The following ZNF423 variants were observed in gnomAD, a reference collection of about 807,000 sequenced individuals.
The protein encoded by ZNF423 is Ebf-associated zinc finger protein.
Under a neutral mutation model 95.8 loss-of-function variants are expected in ZNF423, and 12 were observed. That is an observed-to-expected ratio of 0.13 (90% CI 0.08 to 0.20). The LOEUF (loss-of-function observed/expected upper bound fraction) is 0.20. Among genes scored for constraint, ZNF423 ranks in the 10% least tolerant of loss-of-function variants. ZNF423 has a pLI of 1.00. For synonymous variants in ZNF423, 749 were observed against 711.9 expected (o/e 1.05, Z -0.83); for missense variants, 1,316 against 1,737.1 (o/e 0.76, Z 4.31).
In ZNF423 at chr16:49,491,191, T is replaced by G. The variant is rs1407011931; in HGVS notation, c.*84A>C. 7 of 1,551,432 alleles carry G rather than the reference T, an allele frequency of 4.5e-6. No homozygotes were observed. In the South Asian group the frequency reaches 6.7e-5, roughly 15 times the overall value. Reference sequence around the variant, plus strand: ...TTACATCTGGGTTGCAAATGACACTTTGATTGGATGTAATGTTCAAATGGC... The same window carrying G: ...TTACATCTGGGTTGCAAATGACACTGTGATTGGATGTAATGTTCAAATGGC... On this transcript the variant is annotated 3_prime_UTR_variant, in exon 8 of 8. Transcript: ENST00000563137.
intron 1 of ZNF423, among the ~76,000 whole-genome samples, chr16:49,793,274 G>A (rs1193317207): frequency 6.6e-6 from 1 of 152,260 alleles, no homozygotes; most frequent in African/African-American, 2.4e-5. Flanking sequence ...CTGGGGACAG[G>A]TGGCCCCAAC....
chr16:49,740,832 G>A (rs964802881), intron 2 of ZNF423, among the ~76,000 whole-genome samples: 6 of 152,188 alleles, frequency 3.9e-5, no homozygotes, highest in Non-Finnish European at 8.8e-5. Flanking sequence ...TCCAGAGAAC[G>A]TATCTTCAGT....
chr16:49,647,464 G>C (rs539176510), intron 3 of ZNF423, among the ~76,000 whole-genome samples: 1 of 152,214 alleles, frequency 6.6e-6, no homozygotes, highest in East Asian at 1.9e-4. Context: ...AATTAAGGTT[G>C]ACAATTGGCT....
chr16:49,682,627 A>G (rs1165102130), intron 3 of ZNF423, among the ~76,000 whole-genome samples: 1 of 152,178 alleles, frequency 6.6e-6, no homozygotes, highest in South Asian at 2.1e-4. Flanking sequence ...AGATGGGAAG[A>G]GAGGAGAGGT....
chr16:49,651,790 C>A (rs1973417437), intron 3 of ZNF423, among the ~76,000 whole-genome samples: 1 of 152,120 alleles, frequency 6.6e-6, no homozygotes, highest in Non-Finnish European at 1.5e-5. Context: ...ATAAGGTGGT[C>A]ACAGGACAAG....
At chr16:49,727,865 T>C (rs1324456357) in intron 3 of ZNF423, among the ~76,000 whole-genome samples, 1 of 152,214 alleles carries the variant, frequency 6.6e-6, no homozygotes, top group East Asian at 1.9e-4. Context: ...TCTATTGGGC[T>C]TCTATCGAGT....
intron 3 of ZNF423, among the ~76,000 whole-genome samples, chr16:49,718,433 A>G (rs16947886): frequency 0.015 from 2,255 of 152,210 alleles, 56 homozygotes; most frequent in African/African-American, 0.05. Context: ...GAATGAACGC[A>G]CACGTGCCAG....
intron 3 of ZNF423, among the ~76,000 whole-genome samples, chr16:49,715,951 G>A (rs2032692824): frequency 6.6e-6 from 1 of 152,070 alleles, no homozygotes; most frequent in Admixed American, 6.6e-5. Context: ...GGGAGGCTGA[G>A]GTGGAAGGAT....
Position 49,645,795 on chromosome 16 carries a change from C to G in ZNF423, c.302-6921G>C, listed in dbSNP as rs777117689. 2.0e-5 allele frequency among the ~76,000 whole-genome samples: 3 copies of G among 152,140 alleles called. No individual in the cohort carries two copies. The South Asian group carries it at 6.2e-4, about 32-fold the overall frequency. On this transcript the variant is annotated intron_variant, in intron 3 of 7. Coordinates refer to ENST00000563137, the MANE Select transcript of ZNF423 (RefSeq NM_001379286.1). ...GGTGGTTTCCCCCATGCTATTCTAG[C>G]GATAGTGAGTAAGTTCTCATGAGAT...
intron 2 of ZNF423, among the ~76,000 whole-genome samples, chr16:49,773,681 A>T (rs1215450038): frequency 6.6e-6 from 1 of 152,230 alleles, no homozygotes; most frequent in African/African-American, 2.4e-5. Context: ...GGTGAGTGGA[A>T]TCTGTGCTAT....
At chr16:49,731,023 G>C (rs1438735760) in intron 2 of ZNF423, 52 bp from the exon 3 acceptor site, 4 of 1,590,602 alleles carry the variant, frequency 2.5e-6, no homozygotes, top group Non-Finnish European at 3.4e-6. Flanking sequence ...CTTGGGAAAG[G>C]GTTTTAAAAG....
chr16:49,682,819 T>G (rs2031417908), intron 3 of ZNF423, among the ~76,000 whole-genome samples: 1 of 152,178 alleles, frequency 6.6e-6, no homozygotes, highest in Admixed American at 6.5e-5. Flanking sequence ...AAACAGCAAT[T>G]ATTTTGTCAT....
chr16:49,678,320 TTTTGTTTTGC>T (rs139157343), intron 3 of ZNF423, among the ~76,000 whole-genome samples: 93,440 of 151,580 alleles, frequency 0.62, 31,155 homozygotes, highest in Admixed American at 0.76. Flanking sequence ...TTTTGTTTTG[TTTTGTTTTGC>T]TTAAGGGGCA....
intron 5 of ZNF423, among the ~76,000 whole-genome samples, chr16:49,591,692 A>T (rs1223378494): frequency 6.6e-6 from 1 of 152,210 alleles, no homozygotes; most frequent in African/African-American, 2.4e-5. Context: ...TGTGCATTAT[A>T]ACTCCACTGG....
intron 3 of ZNF423, among the ~76,000 whole-genome samples, chr16:49,691,363 TC>T (rs2031773638): frequency 6.6e-6 from 1 of 152,162 alleles, no homozygotes; most frequent in Non-Finnish European, 1.5e-5. Context: ...GCCTCCAAGC[TC>T]CAACACATCC....
chr16:49,735,664 C>T (rs1386769652), intron 2 of ZNF423, among the ~76,000 whole-genome samples: 1 of 152,174 alleles, frequency 6.6e-6, no homozygotes, highest in Non-Finnish European at 1.5e-5. Context: ...TCTCCTGGGA[C>T]ACTCCCCCTT....
chr16:49,572,581 G>A (rs562945835), intron 5 of ZNF423, among the ~76,000 whole-genome samples: 9 of 152,232 alleles, frequency 5.9e-5, no homozygotes, highest in Non-Finnish European at 7.3e-5. Context: ...TACAGGCACT[G>A]AGGAGCCCAC....
At chr16:49,794,236 GT>G (rs57419300) in intron 1 of ZNF423, among the ~76,000 whole-genome samples, 73,316 of 140,016 alleles carry the variant, frequency 0.52, 18,442 homozygotes, top group Middle Eastern at 0.6. Context: ...TTTTGTTTTT[GT>G]TTTTTTTTTT....
intron 2 of ZNF423, among the ~76,000 whole-genome samples, chr16:49,745,941 C>T (rs2033514080): frequency 6.6e-6 from 1 of 152,152 alleles, no homozygotes; most frequent in African/African-American, 2.4e-5. Context: ...GAAGGTCCAA[C>T]TGGGATCTGC....
Sources: allele counts gnomAD v4.1 joint callset (sites outside exome capture counted in the v4.1 genomes callset), GRCh38; gene constraint gnomAD v4.1.1; transcripts MANE v1.5; gene names NCBI Gene and HGNC (gene_info 2026-07-23, HGNC 2026-07-21).